The following PARD3 variants were observed in gnomAD, a reference collection of about 807,000 sequenced individuals.
PARD3 encodes the protein partitioning defective 3 homolog.
In PARD3, 75 loss-of-function variants were observed where a neutral mutation model predicts 155.4. That is an observed-to-expected ratio of 0.48 (90% CI 0.40 to 0.58). PARD3 has a LOEUF of 0.58. Among genes scored for constraint, PARD3 ranks in the 20% least tolerant of loss-of-function variants. PARD3 has a pLI of 0.00. For missense variants in PARD3, 1,642 were observed against 1,721.7 expected (o/e 0.95, Z 0.82); for synonymous variants, 576 against 610.5 (o/e 0.94, Z 0.83).
intron 22 of PARD3, among the ~76,000 whole-genome samples, chr10:34,219,458 C>A (rs59441337): frequency 6.6e-6 from 1 of 152,158 alleles, no homozygotes; most frequent in Non-Finnish European, 1.5e-5. Flanking sequence ...GTATGCACCC[C>A]CCTCTTAATT....
In PARD3 at chr10:34,461,371, G is replaced by A. The variant is rs570697999; in HGVS notation, c.582+8714C>T. ...TGTAATCCCAGCACTTTGGGAGGCC[G>A]AGGCGGGTGGATCACCTGAAGTCAG... On this transcript the variant is annotated intron_variant, in intron 4 of 24. Transcript: ENST00000374788. Among the ~76,000 whole-genome samples the A allele has an allele frequency of 7.2e-4, 109 of 152,282 alleles. 1 individual carries two copies. In the South Asian group the frequency reaches 7.9e-3, roughly 11 times the overall value.
intron 5 of PARD3, 121 bp from the exon 6 acceptor site, chr10:34,402,038 A>G: frequency 3.8e-6 from 3 of 795,734 alleles, no homozygotes; most frequent in Non-Finnish European, 6.6e-6. Flanking sequence ...TGTTTCCTCT[A>G]AGAAGGATGA....
At chr10:34,288,758 G>T (rs139237662) in intron 20 of PARD3, among the ~76,000 whole-genome samples, 1 of 152,274 alleles carries the variant, frequency 6.6e-6, no homozygotes, top group African/African-American at 2.4e-5. Flanking sequence ...CATAGCTGAA[G>T]AAATACTGTG....
At chr10:34,170,567 G>A (rs1445223522) in intron 22 of PARD3, among the ~76,000 whole-genome samples, 1 of 152,188 alleles carries the variant, frequency 6.6e-6, no homozygotes, top group Non-Finnish European at 1.5e-5. Context: ...CATAGAGTGT[G>A]TGGGAAGCAC....
chr10:34,787,128 T>C lies in PARD3; in HGVS notation c.120+27748A>G, dbSNP rs1344804537. Among the ~76,000 whole-genome samples the C allele has an allele frequency of 5.9e-5, 9 of 152,266 alleles. No homozygotes were observed. The East Asian group carries it at 1.5e-3, about 26-fold the overall frequency. On this transcript the variant is annotated intron_variant, in intron 1 of 24. Transcript: ENST00000374788. The stretch of plus-strand genomic sequence containing the variant: ...CAGGCACAGTGGCTCACGCCTGTAA[T>C]CCCAGCACTTTGGGAGGCCGAGGCA...
intron 21 of PARD3, among the ~76,000 whole-genome samples, chr10:34,272,957 G>C (rs977348631): frequency 2.6e-5 from 4 of 152,152 alleles, no homozygotes; most frequent in African/African-American, 7.2e-5. Flanking sequence ...ATAAAAAACA[G>C]TGACAATACC....
chr10:34,773,057 C>CT (rs1839098071), intron 1 of PARD3, among the ~76,000 whole-genome samples: 1 of 152,162 alleles, frequency 6.6e-6, no homozygotes, highest in South Asian at 2.1e-4. Flanking sequence ...GCTGACACAT[C>CT]TCCTTGGATT....
At position 34,814,979 on chromosome 10, in the gene PARD3, C is replaced by A. The variant is rs1302875871; in HGVS notation, c.17G>T (p.Cys6Phe). 1 of 1,536,226 alleles carries A rather than the reference C, an allele frequency of 6.5e-7. No homozygotes were observed. The highest frequency in any genetic ancestry group is 8.8e-7 in the Non-Finnish European group (1 of 1,142,600). The stretch of plus-strand genomic sequence containing the variant: ...CACGACCACCCGGGTCCGTCCGAAG[C>A]ACACGGTCACTTTCATGCCGCCGCC... MKVTV[C>F]FGRTRVVVPC... The change falls in exon 1 of 25, where the codon TGC becomes TTC. Residue 6 changes from cysteine to phenylalanine, a missense_variant. Transcript: ENST00000374788.
At chr10:34,115,955 G>A (rs969143467) in intron 24 of PARD3, among the ~76,000 whole-genome samples, 10 of 152,142 alleles carry the variant, frequency 6.6e-5, no homozygotes, top group African/African-American at 1.9e-4. Context: ...CTTGTGATCC[G>A]CCTGCCTCGG....
intron 22 of PARD3, among the ~76,000 whole-genome samples, chr10:34,219,739 T>C (rs1952184731): frequency 1.3e-5 from 2 of 152,242 alleles, no homozygotes; most frequent in African/African-American, 4.8e-5. Context: ...CCATCAAAAA[T>C]CACTTCTAGT....
intron 2 of PARD3, among the ~76,000 whole-genome samples, chr10:34,680,729 C>T (rs1276872026): frequency 1.3e-5 from 2 of 149,540 alleles, no homozygotes; most frequent in Admixed American, 1.4e-4. Flanking sequence ...TAAACTATCG[C>T]AAGAGCAAAA....
Position 34,696,368 on chromosome 10 carries a change from T to G in PARD3, c.172A>C (p.Ile58Leu). ...VHRLEHGDGG[I>L]LDLDDILCDV... ...CAAAGAATGTCATCAAGGTCTAGTA[T>G]TCCTCCATCTCCATGTTCCAAGCGA... Residue 58 changes from isoleucine to leucine, a missense_variant, in exon 2 of 25, where the codon ATA becomes CTA. Physicochemically the swap from Ile to Leu is conservative, Grantham distance 5. This residue lies in a region of PARD3 where 38 missense variants were observed against 69.1 expected (regional missense o/e 0.55). Transcript: ENST00000374788. 6.2e-7 allele frequency: 1 copy of G among 1,613,132 alleles called. No individual in the cohort carries two copies. Among genetic ancestry groups the G allele is most frequent in the South Asian group, 1.1e-5 (1 of 91,058 alleles).
chr10:34,305,043 A>T (rs1564566259), intron 20 of PARD3, among the ~76,000 whole-genome samples: 1 of 152,240 alleles, frequency 6.6e-6, no homozygotes, highest in Non-Finnish European at 1.5e-5. Flanking sequence ...ACTTTAAAGT[A>T]TCTGTTCAGT....
intron 9 of PARD3, among the ~76,000 whole-genome samples, chr10:34,379,957 T>C (rs1841656280): frequency 6.6e-6 from 1 of 152,094 alleles, no homozygotes; most frequent in South Asian, 2.1e-4. Context: ...AAGAGTTGAT[T>C]CCAGTTTTTG....
At chr10:34,391,541 T>G (rs1399539527) in intron 7 of PARD3, among the ~76,000 whole-genome samples, 1 of 152,184 alleles carries the variant, frequency 6.6e-6, no homozygotes, top group East Asian at 1.9e-4. Context: ...TCTGCTGAAT[T>G]AAATGGATGA....
intron 22 of PARD3, among the ~76,000 whole-genome samples, chr10:34,131,852 CT>C (rs1234687979): frequency 3.3e-5 from 5 of 151,296 alleles, no homozygotes; most frequent in Non-Finnish European, 5.9e-5. Flanking sequence ...GTTTCATTTC[CT>C]TTCTGTAATC....
intron 1 of PARD3, among the ~76,000 whole-genome samples, chr10:34,766,795 G>C (rs1417570444): frequency 6.6e-6 from 1 of 152,166 alleles, no homozygotes; most frequent in Non-Finnish European, 1.5e-5. Flanking sequence ...TACAACGCAG[G>C]AACGTGGTGT....
intron 22 of PARD3, among the ~76,000 whole-genome samples, chr10:34,258,588 C>G (rs1588963723): frequency 6.6e-6 from 1 of 152,080 alleles, no homozygotes; most frequent in Non-Finnish European, 1.5e-5. Flanking sequence ...CTGGAGAAAT[C>G]TGGGGCTTAT....
intron 22 of PARD3, among the ~76,000 whole-genome samples, chr10:34,152,515 T>C (rs756733419): frequency 3.9e-5 from 6 of 152,204 alleles, no homozygotes; most frequent in Non-Finnish European, 8.8e-5. Flanking sequence ...TATAATCTTA[T>C]GGAACCACTG....
Sources: gnomAD v4.1 joint callset for allele counts (sites outside exome capture counted in the v4.1 genomes callset) on GRCh38, gnomAD v4.1.1 for gene constraint, gnomAD v4.1.1 regional missense constraint, MANE v1.5 for transcripts, NCBI Gene and HGNC (gene_info 2026-07-23, HGNC 2026-07-21) for gene names.